ZIC4: variants seen among roughly 807,000 people sequenced by gnomAD.
ZIC4 encodes the protein zinc finger protein ZIC 4.
ZIC4 carries 15 observed loss-of-function variants against 28.8 expected under a neutral mutation model. The observed-to-expected ratio is 0.52, with a 90% CI of 0.35 to 0.80. ZIC4 has a LOEUF of 0.80. Among genes scored for constraint, ZIC4 ranks in the 30% least tolerant of loss-of-function variants. ZIC4 has a pLI of 0.01. For synonymous variants in ZIC4, 220 were observed against 198.1 expected (o/e 1.11, Z -0.93); for missense variants, 512 against 467.1 (o/e 1.10, Z -0.89).
At position 147,396,053 on chromosome 3, in the gene ZIC4, C is replaced by A. The variant is rs373361660; in HGVS notation, c.487G>T (p.Val163Phe). ...TGGTTGGCCTGTTCCGGGCCGCCGA[C>A]GTGCTCCACGGTGACGTGCGTGACC... is the stretch of plus-strand genomic sequence containing the variant. ...ELVTHVTVEH[V>F]GGPEQANHIC... The change falls in exon 3 of 5, where the codon GTC becomes TTC. Residue 163 changes from valine (V) to phenylalanine (F), a missense_variant. Physicochemically the swap from Val to Phe is conservative, Grantham distance 50 (BLOSUM62 -1). Around this residue, in one of 3 missense-constraint regions of ZIC4, gnomAD observed 310 missense variants for 256.5 expected, o/e 1.21. Transcript: ENST00000383075. This position sits in a 1 kb window ranked among gnomAD's most constrained non-coding sequence, Gnocchi z 4.2. 3.3e-5 allele frequency: 53 copies of A among 1,614,140 alleles called. No individual in the cohort carries two copies. The African/African-American group carries it at 6.0e-4, about 18-fold the overall frequency.
At chr3:147,402,850 C>T (rs779738244) in intron 1 of ZIC4, 38 bp from the exon 2 acceptor site, 2 of 1,547,460 alleles carry the variant, frequency 1.3e-6, no homozygotes, top group South Asian at 1.1e-5. Context: ...ACTAGTTAAA[C>T]AATTTTACAC....
Position 147,388,817 on chromosome 3 carries a change from G to A in ZIC4, c.*42C>T, listed in dbSNP as rs766056635. On this transcript the variant is annotated 3_prime_UTR_variant, in exon 5 of 5. Coordinates refer to ENST00000383075, the MANE Select transcript of ZIC4 (RefSeq NM_032153.6). Reference sequence around the variant, plus strand: ...GCAGGCGCGAGATGCGGGGCGCTCAGCTGCGCGGAGCGAGATTACCTTGCG... The same window carrying A: ...GCAGGCGCGAGATGCGGGGCGCTCAACTGCGCGGAGCGAGATTACCTTGCG... The A allele has an allele frequency of 1.3e-6, 1 of 776,428 alleles. No homozygotes were observed. Among genetic ancestry groups the A allele is most frequent in the Non-Finnish European group, 2.4e-6 (1 of 416,886 alleles). 48.1% of individuals were successfully genotyped at this position (776,428 alleles called of 1,614,324 possible).
At chr3:147,404,399 C>T (rs575946564) in intron 1 of ZIC4, 1,328 of 751,532 alleles carry the variant, frequency 1.8e-3, no homozygotes, top group Non-Finnish European at 2.1e-3. Flanking sequence ...TGTAGCGTTT[C>T]CATCACACAG....
intron 3 of ZIC4, among the ~76,000 whole-genome samples, chr3:147,395,336 G>C (rs1440242608): frequency 6.6e-6 from 1 of 152,130 alleles, no homozygotes; most frequent in Non-Finnish European, 1.5e-5. Flanking sequence ...CATCCCTAGT[G>C]TCCGGCCACC....
rs962664519 is a variant in ZIC4, at chr3:147,388,738, T to C, written c.*121A>G. The C allele has an allele frequency of 2.0e-5, 14 of 705,940 alleles. No homozygotes were observed. The South Asian group carries it at 2.2e-4, about 11-fold the overall frequency. 43.7% of individuals were successfully genotyped at this position (705,940 alleles called of 1,614,324 possible). A position where few individuals can be genotyped will look rare whatever the true frequency, so the allele number is the denominator to read the frequency against. On this transcript the variant is annotated 3_prime_UTR_variant, in exon 5 of 5. Transcript: ENST00000383075. ...TTGCCATAGAAATCCTAACTTACCA[T>C]GAAGATGCACCGTGGCGAAGAAACA...
At chr3:147,394,465 GT>G (rs1412924623) in intron 3 of ZIC4, among the ~76,000 whole-genome samples, 1 of 91,322 alleles carries the variant, frequency 1.1e-5, no homozygotes, top group Admixed American at 1.3e-4. Context: ...AAGTTTGTTT[GT>G]TTAAAAAAAA....
rs1349671673 is a variant in ZIC4, at chr3:147,396,630, G to A, written c.71-161C>T. On this transcript the variant is annotated intron_variant, in intron 2 of 4. Transcript: ENST00000383075. The surrounding 1 kb of genome is among the most constrained non-coding windows in gnomAD (Gnocchi z 4.2). ...GCCAGCAGTGAACCCGGTGGACAGA[G>A]CAAGGCCAAACACCTCCGCCGCCAT... is the stretch of plus-strand genomic sequence containing the variant. 2 of 929,158 alleles carry A rather than the reference G, an allele frequency of 2.2e-6. No homozygotes were observed. Among genetic ancestry groups the A allele is most frequent in the Non-Finnish European group, 3.0e-6 (2 of 670,300 alleles). 57.6% of individuals were successfully genotyped at this position (929,158 alleles called of 1,614,324 possible).
At chr3:147,390,655 T>C (rs1054075007) in intron 4 of ZIC4, among the ~76,000 whole-genome samples, 26 of 152,024 alleles carry the variant, frequency 1.7e-4, no homozygotes, top group Admixed American at 1.7e-3. Flanking sequence ...AGGGGGACCA[T>C]ATTTATCTTC....
In ZIC4 at chr3:147,396,479, A is replaced by G; in HGVS notation, c.71-10T>C. On this transcript the variant is annotated splice_polypyrimidine_tract_variant and intron_variant, in intron 2 of 4. Transcript: ENST00000383075. The surrounding 1 kb of genome is among the most constrained non-coding windows in gnomAD (Gnocchi z 4.2). ...TGTCCAGAGCTGCTACCTGTTGTCGAAACAAATAGCGCGCATGAGAACGGG... is the reference window on the plus strand; with the variant it reads ...TGTCCAGAGCTGCTACCTGTTGTCGGAACAAATAGCGCGCATGAGAACGGG... The G allele has an allele frequency of 6.0e-6, 9 of 1,506,214 alleles. No individual in the cohort carries two copies. Among genetic ancestry groups the G allele is most frequent in the Non-Finnish European group, 8.0e-6 (9 of 1,131,666 alleles). 93.3% of individuals were successfully genotyped at this position (1,506,214 alleles called of 1,614,324 possible). A position where few individuals can be genotyped will look rare whatever the true frequency, so the allele number is the denominator to read the frequency against.
intron 2 of ZIC4, among the ~76,000 whole-genome samples, chr3:147,401,441 A>T (rs1267531272): frequency 2.0e-5 from 3 of 152,218 alleles, no homozygotes; most frequent in Non-Finnish European, 4.4e-5. Context: ...GCTGAGGGCC[A>T]CTGTATAGAA....
chr3:147,397,706 G>T (rs1576461257), intron 2 of ZIC4, among the ~76,000 whole-genome samples: 2 of 152,154 alleles, frequency 1.3e-5, no homozygotes, highest in East Asian at 3.9e-4. Flanking sequence ...GGAGGGGGTC[G>T]GGATCGAAGG....
chr3:147,404,702 G>T (rs2087239169), intron 1 of ZIC4, among the ~76,000 whole-genome samples: 1 of 152,224 alleles, frequency 6.6e-6, no homozygotes, highest in African/African-American at 2.4e-5. Flanking sequence ...GGGTGCCAGG[G>T]AGCTCCAGTG....
chr3:147,395,319 C>G (rs2087015728), intron 3 of ZIC4, among the ~76,000 whole-genome samples: 1 of 152,082 alleles, frequency 6.6e-6, no homozygotes, highest in Non-Finnish European at 1.5e-5. Flanking sequence ...AGTGAGGGTC[C>G]ACCAAACATC....
rs1379297421 is a variant in ZIC4, at chr3:147,396,617, C to T, written c.71-148G>A. ...AGAGCCAGACAGCGCCAGCAGTGAA[C>T]CCGGTGGACAGAGCAAGGCCAAACA... On this transcript the variant is annotated intron_variant, in intron 2 of 4. Coordinates refer to ENST00000383075, the MANE Select transcript of ZIC4 (RefSeq NM_032153.6). The surrounding 1 kb of genome is among the most constrained non-coding windows in gnomAD (Gnocchi z 4.2). The T allele has an allele frequency of 3.7e-6, 4 of 1,077,354 alleles. No individual in the cohort carries two copies. The highest frequency in any genetic ancestry group is 4.2e-5 in the South Asian group (2 of 47,584). The allele number at this position is 1,077,354 out of a possible 1,614,324, so 66.7% of individuals were successfully genotyped here. A position where few individuals can be genotyped will look rare whatever the true frequency, so the allele number is the denominator to read the frequency against.
At chr3:147,401,620 T>G (rs2087166234) in intron 2 of ZIC4, among the ~76,000 whole-genome samples, 1 of 152,194 alleles carries the variant, frequency 6.6e-6, no homozygotes, top group African/African-American at 2.4e-5. Context: ...GGAGTTTGCC[T>G]CTATTCTTAT....
chr3:147,405,574 T>C, intron 1 of ZIC4: 2 of 1,243,958 alleles, frequency 1.6e-6, no homozygotes, highest in South Asian at 2.6e-5. Flanking sequence ...TGCCCCTGGG[T>C]CTAGGCTAGG....
chr3:147,392,499 C>G, intron 3 of ZIC4: 1 of 948,786 alleles, frequency 1.1e-6, no homozygotes, highest in Non-Finnish European at 1.3e-6. Context: ...GCCGGAGCTG[C>G]AAGTGCTGCG....
Position 147,399,722 on chromosome 3 carries a change from A to G in ZIC4, c.70+3006T>C, listed in dbSNP as rs2087125899. On this transcript the variant is annotated intron_variant, in intron 2 of 4. Transcript: ENST00000383075. ...CCTCTGTCGCCCAGGCTGCAGTGCA[A>G]TGGCGCCATCTTGGCTCAATGCAAC... 2.7e-5 allele frequency among the ~76,000 whole-genome samples: 4 copies of G among 148,910 alleles called. No homozygotes were observed. In the South Asian group the frequency reaches 8.5e-4, roughly 32 times the overall value.
In ZIC4 at chr3:147,396,063, G is replaced by C. The variant is rs894576332; in HGVS notation, c.477C>G (p.Thr159=). The change falls in exon 3 of 5, where the codon ACC becomes ACG. Residue 159 remains threonine (T), a synonymous_variant. Transcript: ENST00000383075. The surrounding 1 kb of genome is among the most constrained non-coding windows in gnomAD (Gnocchi z 4.2). ...STMHELVTHV[T]VEHVGGPEQA... is the part of the protein sequence containing the mutation. ...GTTCCGGGCCGCCGACGTGCTCCAC[G>C]GTGACGTGCGTGACCAGCTCGTGCA... 9.9e-6 allele frequency: 16 copies of C among 1,614,126 alleles called. No individual in the cohort carries two copies.
Sources: gnomAD v4.1 joint callset for allele counts (sites outside exome capture counted in the v4.1 genomes callset) on GRCh38, gnomAD v4.1.1 for gene constraint, gnomAD v4.1.1 regional missense constraint, Gnocchi (gnomAD v3.1) non-coding constraint, MANE v1.5 for transcripts, NCBI Gene and HGNC (gene_info 2026-07-23, HGNC 2026-07-21) for gene names.